The following RLIG1 variants were observed in gnomAD, a reference collection of about 807,000 sequenced individuals.
RLIG1 encodes RNA ligase 1.
the RLIG1 span, among the ~76,000 whole-genome samples, chr12:88,038,672 T>C: frequency 6.6e-6 from 1 of 152,218 alleles, no homozygotes; most frequent in Non-Finnish European, 1.5e-5. Context: ...TTCAGGCAGA[T>C]AATATATTTT....
chr12:88,048,278 T>G, the RLIG1 span: 3 of 1,598,248 alleles, frequency 1.9e-6, no homozygotes, highest in South Asian at 1.1e-5. Flanking sequence ...TTCCAGATAC[T>G]TACATGAATT....
At chr12:88,047,658 CCT>C in the RLIG1 span, among the ~76,000 whole-genome samples, 2 of 152,048 alleles carry the variant, frequency 1.3e-5, no homozygotes, top group South Asian at 4.2e-4. Context: ...CAGTTTTAGC[CCT>C]GTCCTCTCCA....
the RLIG1 span, among the ~76,000 whole-genome samples, chr12:88,039,337 T>C: frequency 6.6e-6 from 1 of 152,152 alleles, no homozygotes; most frequent in Admixed American, 6.5e-5. Flanking sequence ...ATCACAAAAA[T>C]GTTTGTGCTT....
At chr12:88,048,196 T>G in the RLIG1 span, 1 of 1,436,592 alleles carries the variant, frequency 7.0e-7, no homozygotes, top group Non-Finnish European at 9.2e-7. Flanking sequence ...GAAGATAGTA[T>G]CTGTATGCTA....
the RLIG1 span, chr12:88,035,685 T>A: frequency 6.2e-7 from 1 of 1,609,004 alleles, no homozygotes; most frequent in South Asian, 1.1e-5. Flanking sequence ...GAAAATGCCG[T>A]GTGTGTTTGT....
At chr12:88,049,326 T>G in the RLIG1 span, 6 of 1,591,074 alleles carry the variant, frequency 3.8e-6, no homozygotes, top group Non-Finnish European at 5.2e-6. Flanking sequence ...CTTCACTTCT[T>G]CCTTGTAATT....
chr12:88,040,551 C>T, the RLIG1 span, among the ~76,000 whole-genome samples: 1 of 152,130 alleles, frequency 6.6e-6, no homozygotes, highest in Non-Finnish European at 1.5e-5. Context: ...CTCCATTTCA[C>T]AGACAATAAA....
chr12:88,048,402 GATATA>G, the RLIG1 span: 2 of 1,462,750 alleles, frequency 1.4e-6, no homozygotes, highest in African/African-American at 1.4e-5. Context: ...TAGACTCAAA[GATATA>G]ATATTTGATG....
At chr12:88,035,820 C>A in the RLIG1 span, 5 of 1,542,504 alleles carry the variant, frequency 3.2e-6, no homozygotes, top group Non-Finnish European at 4.4e-6. Flanking sequence ...CCGGCGAGGG[C>A]GGCTGGGCGC....
At chr12:88,038,291 T>C in the RLIG1 span, among the ~76,000 whole-genome samples, 1 of 152,016 alleles carries the variant, frequency 6.6e-6, no homozygotes, top group East Asian at 1.9e-4. Flanking sequence ...CGGGTTTTAC[T>C]CCTTTTTTTA....
At chr12:88,043,874 A>C in the RLIG1 span, 14 of 625,182 alleles carry the variant, frequency 2.2e-5, no homozygotes, top group Non-Finnish European at 3.9e-5. Context: ...CATACATTTT[A>C]TATCAAAGAT....
At chr12:88,043,502 A>G in the RLIG1 span, 3 of 673,782 alleles carry the variant, frequency 4.5e-6, no homozygotes, top group Non-Finnish European at 7.4e-6. Flanking sequence ...ACCTGATATT[A>G]TGAGGTTTTA....
chr12:88,050,016 T>C, the RLIG1 span: 2 of 190,174 alleles, frequency 1.1e-5, no homozygotes, highest in Admixed American at 6.4e-5. Flanking sequence ...CAAATATTTT[T>C]TTAAGGGAAC....
At chr12:88,046,711 C>T in the RLIG1 span, 9 of 1,147,694 alleles carry the variant, frequency 7.8e-6, no homozygotes, top group East Asian at 1.2e-4. Context: ...ACCTTTATTC[C>T]TAAGTGTTTC....
chr12:88,035,752 C>T, the RLIG1 span: 12 of 1,582,556 alleles, frequency 7.6e-6, no homozygotes, highest in Non-Finnish European at 9.4e-6. Flanking sequence ...CGGAGGAGCG[C>T]CGGGCAGGCT....
the RLIG1 span, among the ~76,000 whole-genome samples, chr12:88,037,300 C>T: frequency 2.2e-4 from 33 of 152,308 alleles, no homozygotes; most frequent in East Asian, 6.4e-3. Flanking sequence ...TAGAGGGCCA[C>T]TCAATTGATA....
At chr12:88,049,131 T>TTAAC in the RLIG1 span, 1 of 1,093,162 alleles carries the variant, frequency 9.1e-7, no homozygotes, top group South Asian at 1.5e-5. Context: ...CCAAGTATAT[T>TTAAC]TAACTTATAA....
the RLIG1 span, chr12:88,046,946 G>A: frequency 3.7e-6 from 6 of 1,611,744 alleles, no homozygotes; most frequent in African/African-American, 1.3e-5. Flanking sequence ...AAGGAATAGT[G>A]TGGCATTGCA....
At chr12:88,047,538 T>A in the RLIG1 span, among the ~76,000 whole-genome samples, 1 of 152,116 alleles carries the variant, frequency 6.6e-6, no homozygotes, top group South Asian at 2.1e-4. Flanking sequence ...TACATCCAGT[T>A]ATCAATTCCT....
Sources: gnomAD v4.1 joint callset for allele counts (sites outside exome capture counted in the v4.1 genomes callset) on GRCh38, gnomAD v4.1.1 for gene constraint, MANE v1.5 for transcripts, NCBI Gene and HGNC (gene_info 2026-07-23, HGNC 2026-07-21) for gene names.